The following ATP12A variants were observed in gnomAD, a reference collection of about 807,000 sequenced individuals.
ATP12A encodes ATPase H+/K+ transporting non-gastric alpha2 subunit, also known as potassium-transporting ATPase alpha chain 2.
Under a neutral mutation model 111.2 loss-of-function variants are expected in ATP12A, and 81 were observed. The ratio of observed to expected loss-of-function variants is 0.73; its 90% CI spans 0.61 to 0.88. The LOEUF is 0.88. Ranked by LOEUF, ATP12A falls within the 40% of genes least tolerant of loss-of-function variation. The pLI is 0.00. For synonymous variants in ATP12A, 498 were observed against 499.8 expected (o/e 1.00, Z 0.05); for missense variants, 1,196 against 1,313.1 (o/e 0.91, Z 1.38).
Position 24,710,870 on chromosome 13 carries a change from A to G in ATP12A, c.2976A>G (p.Thr992=), listed in dbSNP as rs757223908. The G allele has an allele frequency of 6.2e-7, 1 of 1,614,224 alleles. No homozygotes were observed. The highest frequency in any genetic ancestry group is 1.1e-5 in the South Asian group (1 of 91,086). Residue 992 remains threonine (T), a synonymous_variant, in exon 21 of 23, where the codon ACA becomes ACG. Transcript: ENST00000381946. ...TCTCCTATGGCCTCGGAAGTGTCAC[A>G]GCCTTGAGTTTCACCATGCTTAGGT... ...LILSYGLGSV[T]ALSFTMLRAQ... is the part of the protein sequence containing the mutation.
intron 11 of ATP12A, among the ~76,000 whole-genome samples, chr13:24,697,038 A>C (rs1048888658): frequency 4.6e-5 from 7 of 152,234 alleles, no homozygotes; most frequent in African/African-American, 1.7e-4. Flanking sequence ...GAATGTATTT[A>C]ATTTAAAAGA....
rs1875963732 is a variant in ATP12A at position 24,711,395 on chromosome 13, G to A, written c.3077G>A (p.Arg1026Lys). ...GATGAGGTGCGGAAGCTCTTCATCA[G>A]GCTCTACCCTGGAAGTGAGTAGCCT... is the stretch of plus-strand genomic sequence containing the variant. ...VYDEVRKLFIRLYPGSWWDKN... is the reference protein window; with the variant it reads ...VYDEVRKLFIKLYPGSWWDKN... Residue 1026 changes from arginine to lysine, a missense_variant, in exon 22 of 23, where the codon AGG becomes AAG. Transcript: ENST00000381946. 6.2e-7 allele frequency: 1 copy of A among 1,613,380 alleles called. No individual in the cohort carries two copies.
chr13:24,690,217 A>G, intron 5 of ATP12A, 121 bp from the exon 6 acceptor site: 1 of 1,466,770 alleles, frequency 6.8e-7, no homozygotes, highest in Non-Finnish European at 9.2e-7. Context: ...GCATGGACTC[A>G]ACAGTGAGAG....
chr13:24,686,648 A>T (rs572305326), intron 3 of ATP12A, among the ~76,000 whole-genome samples: 1 of 152,174 alleles, frequency 6.6e-6, no homozygotes, highest in Non-Finnish European at 1.5e-5. Context: ...CTGAGGCAGG[A>T]GAATGGCGTG....
At chr13:24,684,713 G>A (rs1874608900) in intron 2 of ATP12A, among the ~76,000 whole-genome samples, 1 of 152,260 alleles carries the variant, frequency 6.6e-6, no homozygotes, top group African/African-American at 2.4e-5. Flanking sequence ...AAACCCTGCT[G>A]TAGTCTAATG....
chr13:24,710,186 C>T (rs1355682919), intron 19 of ATP12A, among the ~76,000 whole-genome samples: 5 of 152,232 alleles, frequency 3.3e-5, no homozygotes, highest in Non-Finnish European at 7.3e-5. Flanking sequence ...GGGAGAATCA[C>T]TTGAGCCCAG....
chr13:24,689,420 T>A (rs1159777866), intron 5 of ATP12A, 45 bp downstream of exon 5: 1 of 1,544,906 alleles, frequency 6.5e-7, no homozygotes, highest in Non-Finnish European at 8.9e-7. Flanking sequence ...GACTCCCAGG[T>A]GAGGAAGCCT....
At chr13:24,708,946 A>AAACAAAGGAAGGAAGG (rs1875817144) in intron 17 of ATP12A, among the ~76,000 whole-genome samples, 1 of 100,234 alleles carries the variant, frequency 1.0e-5, no homozygotes, top group Non-Finnish European at 2.4e-5. Context: ...AGAAAGAAAG[A>AAACAAAGGAAGGAAGG]AAGAAAGAAA....
rs545889994 is a variant in ATP12A at position 24,698,846 on chromosome 13, G to C, written c.1701G>C (p.Val567=). The change falls in exon 12 of 23, where the codon GTG becomes GTC. Residue 567 remains valine (V), a synonymous_variant. Transcript: ENST00000381946. The stretch of plus-strand genomic sequence containing the variant: ...AGCTGGGCGGGTTGGGCGAGCGTGT[G>C]CTGGGTGAGTGCGGCGGCAGGGCCC... ...YMELGGLGER[V]LGFCHLYLPA... The C allele has an allele frequency of 4.3e-6, 7 of 1,613,712 alleles. No homozygotes were observed. The South Asian group carries it at 7.7e-5, about 18-fold the overall frequency.
intron 4 of ATP12A, 29 bp from the exon 5 acceptor site, chr13:24,689,233 C>T (rs779917243): frequency 3.8e-6 from 6 of 1,599,218 alleles, no homozygotes; most frequent in Non-Finnish European, 5.1e-6. Context: ...CTGCTGGTTT[C>T]TCTGACTGAC....
intron 5 of ATP12A, among the ~76,000 whole-genome samples, 152 bp from the exon 6 acceptor site, chr13:24,690,185 GC>G (rs1874818906): frequency 1.3e-5 from 2 of 152,168 alleles, no homozygotes; most frequent in South Asian, 2.1e-4. Context: ...TGTCCACAGG[GC>G]CAGGTGCAGG....
chr13:24,706,967 C>T (rs2137719997), intron 15 of ATP12A, 56 bp from the exon 16 acceptor site: 1 of 1,520,942 alleles, frequency 6.6e-7, no homozygotes, highest in South Asian at 1.3e-5. Flanking sequence ...TCTTGCCAGG[C>T]CTGCAACCCA....
chr13:24,705,508 C>T (rs1875587985), intron 14 of ATP12A, among the ~76,000 whole-genome samples: 1 of 152,308 alleles, frequency 6.6e-6, no homozygotes, highest in Non-Finnish European at 1.5e-5. Context: ...CAGGCAATAG[C>T]GCTGCTCAAA....
chr13:24,688,440 T>C lies in ATP12A; in HGVS notation c.350T>C (p.Ile117Thr). The C allele has an allele frequency of 1.2e-6, 2 of 1,614,008 alleles. No homozygotes were observed. The highest frequency in any genetic ancestry group is 1.7e-6 in the Non-Finnish European group (2 of 1,180,002). Residue 117 changes from isoleucine (I) to threonine (T), a missense_variant, in exon 4 of 23, where the codon ATC becomes ACC. By Grantham distance (89) the Ile-to-Thr change is moderately conservative. Coordinates refer to ENST00000381946, the MANE Select transcript of ATP12A (RefSeq NM_001676.7). ...AAGCAGATGGTGGGGGGGTTCTCTATCCTCCTGTGGGTGGGCGCCTTTCTC... is the reference window on the plus strand; with the variant it reads ...AAGCAGATGGTGGGGGGGTTCTCTACCCTCCTGTGGGTGGGCGCCTTTCTC... ...FLKQMVGGFS[I>T]LLWVGAFLCW...
chr13:24,697,876 G>T (rs1235614512), intron 11 of ATP12A, among the ~76,000 whole-genome samples: 1 of 151,434 alleles, frequency 6.6e-6, no homozygotes, highest in African/African-American at 2.4e-5. Context: ...AAGAAATACT[G>T]ATTTGTAAAG....
chr13:24,680,642 C>G lies in ATP12A; in HGVS notation c.-102C>G, dbSNP rs749748845. The G allele has an allele frequency of 9.0e-5, 125 of 1,382,960 alleles. No individual in the cohort carries two copies. The highest frequency in any genetic ancestry group is 1.2e-4 in the Non-Finnish European group (122 of 1,030,602). The allele number at this position is 1,382,960 out of a possible 1,614,324, so 85.7% of individuals were successfully genotyped here. A position where few individuals can be genotyped will look rare whatever the true frequency, so the allele number is the denominator to read the frequency against. On this transcript the variant is annotated 5_prime_UTR_variant, in exon 1 of 23. Coordinates refer to ENST00000381946, the MANE Select transcript of ATP12A (RefSeq NM_001676.7). ...ATCTCCACCGCCAACACCTCAGCCACTGCCACTGCCACAGCCACACGAGGC... is the reference window on the plus strand; with the variant it reads ...ATCTCCACCGCCAACACCTCAGCCAGTGCCACTGCCACAGCCACACGAGGC...
At chr13:24,708,946 A>AAAGAAAGAAAGG (rs1555255697) in intron 17 of ATP12A, among the ~76,000 whole-genome samples, 6,396 of 100,060 alleles carry the variant, frequency 0.064, 412 homozygotes, top group Middle Eastern at 0.1. Flanking sequence ...AGAAAGAAAG[A>AAAGAAAGAAAGG]AAGAAAGAAA....
chr13:24,694,867 A>ACG (rs775363515), intron 11 of ATP12A, among the ~76,000 whole-genome samples: 1 of 147,890 alleles, frequency 6.8e-6, no homozygotes, highest in East Asian at 2.0e-4. Flanking sequence ...TCTCTCACAC[A>ACG]CACACACACA....
chr13:24,686,655 C>G (rs9553416), intron 3 of ATP12A, among the ~76,000 whole-genome samples: 37,209 of 151,846 alleles, frequency 0.25, 5,591 homozygotes, highest in East Asian at 0.54. Context: ...AGGAGAATGG[C>G]GTGAACCTGG....
Sources: gnomAD v4.1 joint callset for allele counts (sites outside exome capture counted in the v4.1 genomes callset) on GRCh38, gnomAD v4.1.1 for gene constraint, MANE v1.5 for transcripts, NCBI Gene and HGNC (gene_info 2026-07-23, HGNC 2026-07-21) for gene names.